The following ST8SIA1 variants were observed in gnomAD, a reference collection of about 807,000 sequenced individuals.
ST8SIA1 encodes ST8 alpha-N-acetyl-neuraminide alpha-2,8-sialyltransferase 1.
ST8SIA1 carries 16 observed loss-of-function variants against 35.9 expected under a neutral mutation model. That is an observed-to-expected ratio of 0.45 (90% CI 0.30 to 0.68). The LOEUF (loss-of-function observed/expected upper bound fraction) is 0.68, where lower values mean the gene tolerates loss of function less well. Among genes scored for constraint, ST8SIA1 ranks in the 30% least tolerant of loss-of-function variants. The pLI is 0.09. For synonymous variants in ST8SIA1, 170 were observed against 169.6 expected (o/e 1.00, Z -0.02); for missense variants, 383 against 453.6 (o/e 0.84, Z 1.41).
At chr12:22,331,518 CTGTATTTA>C (rs1014560526) in intron 1 of ST8SIA1, among the ~76,000 whole-genome samples, 15 of 152,174 alleles carry the variant, frequency 9.9e-5, no homozygotes, top group Non-Finnish European at 2.1e-4. Context: ...GTGCATATAT[CTGTATTTA>C]TGCAGAAGAT....
chr12:22,234,751 T>TACTCCCAGTGCCAACTATGC (rs1424741707), intron 4 of ST8SIA1, among the ~76,000 whole-genome samples: 1 of 152,220 alleles, frequency 6.6e-6, no homozygotes, highest in East Asian at 1.9e-4. Flanking sequence ...GACAACTATG[T>TACTCCCAGTGCCAACTATGC]ACTCCCAGTG....
rs528138163 is a variant in ST8SIA1 at position 22,287,867 on chromosome 12, A to G, written c.237-574T>C. Reference sequence around the variant, plus strand: ...GAAATAGAATGAAATGAATGATGTGATCTCAGACACTGGAGAGCAACCTAC... The same window carrying G: ...GAAATAGAATGAAATGAATGATGTGGTCTCAGACACTGGAGAGCAACCTAC... On this transcript the variant is annotated intron_variant, in intron 1 of 4. Coordinates refer to ENST00000396037, the MANE Select transcript of ST8SIA1 (RefSeq NM_003034.4). Among the ~76,000 whole-genome samples, 6 of 152,332 alleles carry G rather than the reference A, an allele frequency of 3.9e-5. No homozygotes were observed. The East Asian group carries it at 1.2e-3, about 29-fold the overall frequency.
chr12:22,323,395 T>C (rs1303214616), intron 1 of ST8SIA1, among the ~76,000 whole-genome samples: 1 of 152,132 alleles, frequency 6.6e-6, no homozygotes, highest in Non-Finnish European at 1.5e-5. Context: ...GAATTGGTGT[T>C]TACTGATGGA....
At chr12:22,213,014 A>G (rs1350759203) in intron 4 of ST8SIA1, among the ~76,000 whole-genome samples, 2 of 152,222 alleles carry the variant, frequency 1.3e-5, no homozygotes, top group East Asian at 3.8e-4. Flanking sequence ...GCATTCAGGT[A>G]GACCAACTCA....
intron 4 of ST8SIA1, among the ~76,000 whole-genome samples, chr12:22,218,528 G>A (rs893038379): frequency 5.4e-4 from 82 of 151,268 alleles, no homozygotes; most frequent in African/African-American, 1.8e-3. Context: ...TGAGACACAA[G>A]AATCGCTTGA....
At chr12:22,296,409 G>T (rs945688069) in intron 1 of ST8SIA1, among the ~76,000 whole-genome samples, 2 of 152,270 alleles carry the variant, frequency 1.3e-5, no homozygotes, top group East Asian at 3.9e-4. Flanking sequence ...TCCAGTGGAT[G>T]CCTGTTTCTC....
chr12:22,231,827 C>A (rs1865425479), intron 4 of ST8SIA1, among the ~76,000 whole-genome samples: 1 of 152,116 alleles, frequency 6.6e-6, no homozygotes, highest in Admixed American at 6.5e-5. Context: ...CCTGCCTCAG[C>A]CTCCCAAAGA....
At chr12:22,277,523 C>G (rs529432495) in intron 2 of ST8SIA1, among the ~76,000 whole-genome samples, 1 of 151,902 alleles carries the variant, frequency 6.6e-6, no homozygotes, top group Non-Finnish European at 1.5e-5. Flanking sequence ...CCTGCCACTA[C>G]GCCCAGCTAA....
At chr12:22,247,719 G>A (rs1473410452) in intron 4 of ST8SIA1, among the ~76,000 whole-genome samples, 1 of 151,510 alleles carries the variant, frequency 6.6e-6, no homozygotes, top group Non-Finnish European at 1.5e-5. Context: ...AGCCATAAAG[G>A]AAAATACTAA....
At chr12:22,325,915 G>A in intron 1 of ST8SIA1, 2 of 698,806 alleles carry the variant, frequency 2.9e-6, no homozygotes, top group Non-Finnish European at 2.6e-6. Flanking sequence ...GGCAGCAAGT[G>A]TCAACAGTGT....
At chr12:22,225,893 T>C (rs1207296814) in intron 4 of ST8SIA1, among the ~76,000 whole-genome samples, 2 of 152,158 alleles carry the variant, frequency 1.3e-5, no homozygotes, top group Admixed American at 6.5e-5. Context: ...CAATGGCAGC[T>C]TGAATTGGCC....
intron 4 of ST8SIA1, among the ~76,000 whole-genome samples, chr12:22,239,552 C>T (rs1364776453): frequency 1.3e-5 from 2 of 152,050 alleles, no homozygotes; most frequent in African/African-American, 4.8e-5. Flanking sequence ...CTCTTATTGG[C>T]TTCTCATTCT....
At chr12:22,305,092 A>G (rs1866367997) in intron 1 of ST8SIA1, among the ~76,000 whole-genome samples, 1 of 152,232 alleles carries the variant, frequency 6.6e-6, no homozygotes, top group Admixed American at 6.5e-5. Context: ...ACAAAAGAAG[A>G]GGTCTTAGGA....
intron 1 of ST8SIA1, among the ~76,000 whole-genome samples, chr12:22,315,341 A>C (rs1010882017): frequency 3.9e-5 from 6 of 152,208 alleles, no homozygotes; most frequent in Non-Finnish European, 8.8e-5. Flanking sequence ...TCACTGACAG[A>C]GGACTTGGTT....
At chr12:22,327,568 C>G (rs1003389048) in intron 1 of ST8SIA1, among the ~76,000 whole-genome samples, 1 of 152,176 alleles carries the variant, frequency 6.6e-6, no homozygotes, top group African/African-American at 2.4e-5. Flanking sequence ...CCCATTAACA[C>G]CCTGCCTCAC....
At chr12:22,226,413 T>G (rs34822376) in intron 4 of ST8SIA1, among the ~76,000 whole-genome samples, 19,312 of 152,228 alleles carry the variant, frequency 0.13, 1,544 homozygotes, top group Middle Eastern at 0.3. Flanking sequence ...GTGGGTCTTT[T>G]TGCATTAATT....
At chr12:22,209,034 C>A (rs181212314) in intron 4 of ST8SIA1, among the ~76,000 whole-genome samples, 2 of 152,018 alleles carry the variant, frequency 1.3e-5, no homozygotes, top group East Asian at 1.9e-4. Context: ...ATCTTTAAGA[C>A]CTTTAGGACA....
At chr12:22,326,025 T>G in intron 1 of ST8SIA1, 1 of 475,752 alleles carries the variant, frequency 2.1e-6, no homozygotes. Context: ...AATTTAAAAC[T>G]TATGAATTGT....
At position 22,334,311 on chromosome 12, in the gene ST8SIA1, C is replaced by T. The variant is rs1866817015; in HGVS notation, c.-79G>A. ...GAAGTGGCAGCGGAGGGTCCCCCAC[C>T]GCCAGCCCCCCATGCACACACACCT... On this transcript the variant is annotated 5_prime_UTR_variant, in exon 1 of 5. Coordinates refer to ENST00000396037, the MANE Select transcript of ST8SIA1 (RefSeq NM_003034.4). 1.8e-6 allele frequency: 2 copies of T among 1,127,674 alleles called. No homozygotes were observed. The highest frequency in any genetic ancestry group is 2.2e-5 in the Admixed American group (1 of 45,924). 69.9% of individuals were successfully genotyped at this position (1,127,674 alleles called of 1,614,324 possible).
Sources: allele counts gnomAD v4.1 joint callset (sites outside exome capture counted in the v4.1 genomes callset), GRCh38; gene constraint gnomAD v4.1.1; transcripts MANE v1.5; gene names NCBI Gene and HGNC (gene_info 2026-07-23, HGNC 2026-07-21).